HS3ST4: variants seen among roughly 807,000 people sequenced by gnomAD.
HS3ST4 encodes heparan sulfate glucosamine 3-O-sulfotransferase 4.
Under a neutral mutation model 29.2 loss-of-function variants are expected in HS3ST4, and 17 were observed. The ratio of observed to expected loss-of-function variants is 0.58; its 90% CI spans 0.40 to 0.87. HS3ST4 has a LOEUF of 0.87. Among genes scored for constraint, HS3ST4 ranks in the 40% least tolerant of loss-of-function variants. HS3ST4 has a pLI of 0.00. For synonymous variants in HS3ST4, 314 were observed against 285.7 expected (o/e 1.10, Z -1.00); for missense variants, 627 against 634.5 (o/e 0.99, Z 0.13).
intron 1 of HS3ST4, among the ~76,000 whole-genome samples, chr16:25,914,120 G>T (rs1338286894): frequency 6.7e-6 from 1 of 149,440 alleles, no homozygotes; most frequent in Non-Finnish European, 1.5e-5. Flanking sequence ...TAGGGAGAGG[G>T]TATATGTGTG....
chr16:25,837,682 C>A (rs4505328), intron 1 of HS3ST4, among the ~76,000 whole-genome samples: 20,823 of 152,010 alleles, frequency 0.14, 1,757 homozygotes, highest in Non-Finnish European at 0.19. Flanking sequence ...ATGTGTAAAT[C>A]ATATTTTAAA....
Position 26,013,985 on chromosome 16 carries a change from C to T in HS3ST4, c.735-121627C>T, listed in dbSNP as rs150039847. Among the ~76,000 whole-genome samples the T allele has an allele frequency of 5.5e-4, 75 of 136,294 alleles. 1 individual carries two copies. The South Asian group carries it at 6.4e-3, about 12-fold the overall frequency. 89.4% of individuals were successfully genotyped at this position (136,294 alleles called of 152,430 possible). A position where few individuals can be genotyped will look rare whatever the true frequency, so the allele number is the denominator to read the frequency against. Reference sequence around the variant, plus strand: ...ATCGCGCCACCGCATTCCAGGCTGGCGACAGATAGCAACTCTGTCTCAAAA... The same window carrying T: ...ATCGCGCCACCGCATTCCAGGCTGGTGACAGATAGCAACTCTGTCTCAAAA... On this transcript the variant is annotated intron_variant, in intron 1 of 1. Coordinates refer to ENST00000331351, the MANE Select transcript of HS3ST4 (RefSeq NM_006040.3).
chr16:25,932,539 A>G (rs1194036779), intron 1 of HS3ST4, among the ~76,000 whole-genome samples: 2 of 152,124 alleles, frequency 1.3e-5, no homozygotes. Flanking sequence ...TCTCATGTCA[A>G]CCTAACAACA....
Position 26,134,359 on chromosome 16 carries a change from T to TTC in HS3ST4, c.735-1252_735-1251insCT, listed in dbSNP as rs1357730901. Among the ~76,000 whole-genome samples the TTC allele has an allele frequency of 5.4e-4, 65 of 120,958 alleles. 2 individuals are homozygous for TTC. The highest frequency in any genetic ancestry group is 1.3e-3 in the Admixed American group (15 of 11,846). 79.4% of individuals were successfully genotyped at this position (120,958 alleles called of 152,430 possible). ...TTTCTTTTCTTTTCTTTTCTTTTCTTTTCTTTTTTTTTTTTTTGATTGAGA... is the reference window on the plus strand; with the variant it reads ...TTTCTTTTCTTTTCTTTTCTTTTCTTTCTTCTTTTTTTTTTTTTTGATTGAGA... On this transcript the variant is annotated intron_variant, in intron 1 of 1. Transcript: ENST00000331351.
chr16:25,704,406 G>A (rs1721192671), intron 1 of HS3ST4, among the ~76,000 whole-genome samples: 1 of 152,112 alleles, frequency 6.6e-6, no homozygotes, highest in African/African-American at 2.4e-5. Flanking sequence ...TGAGACTTTG[G>A]AAGGGCAAGT....
intron 1 of HS3ST4, among the ~76,000 whole-genome samples, chr16:26,106,062 T>C (rs1314318463): frequency 5.3e-5 from 8 of 152,220 alleles, no homozygotes; most frequent in African/African-American, 1.9e-4. Context: ...ACCTGACTTG[T>C]TCCTATGGTG....
At chr16:25,837,084 G>A (rs527591993) in intron 1 of HS3ST4, among the ~76,000 whole-genome samples, 72 of 152,336 alleles carry the variant, frequency 4.7e-4, no homozygotes, top group African/African-American at 1.7e-3. Flanking sequence ...CGCAGTTCAT[G>A]GATGATTTCC....
intron 1 of HS3ST4, among the ~76,000 whole-genome samples, chr16:26,001,404 C>A (rs1244778553): frequency 6.6e-6 from 1 of 151,996 alleles, no homozygotes; most frequent in Non-Finnish European, 1.5e-5. Context: ...ATAGGTAAAT[C>A]TAGATAAAAC....
intron 1 of HS3ST4, among the ~76,000 whole-genome samples, chr16:25,955,814 A>G (rs1169331210): frequency 2.1e-5 from 2 of 97,026 alleles, no homozygotes; most frequent in South Asian, 3.8e-4. Context: ...AATGTGATGT[A>G]TACTTTTTTT....
chr16:25,939,304 T>TTTA (rs201242715), intron 1 of HS3ST4, among the ~76,000 whole-genome samples: 168 of 114,552 alleles, frequency 1.5e-3, no homozygotes, highest in East Asian at 6.8e-3. Flanking sequence ...GCTGACAGCA[T>TTTA]TTATTATTAT....
intron 1 of HS3ST4, among the ~76,000 whole-genome samples, chr16:25,970,183 G>A (rs1329628051): frequency 1.3e-5 from 2 of 152,224 alleles, no homozygotes; most frequent in South Asian, 2.1e-4. Context: ...GGAGTCTAAA[G>A]CGATGAATTC....
At chr16:25,987,525 A>C (rs1969076366) in intron 1 of HS3ST4, among the ~76,000 whole-genome samples, 1 of 152,222 alleles carries the variant, frequency 6.6e-6, no homozygotes, top group Admixed American at 6.5e-5. Context: ...CATAATTTGA[A>C]CATGGCAGAG....
intron 1 of HS3ST4, among the ~76,000 whole-genome samples, chr16:26,018,030 G>A (rs1969376926): frequency 6.6e-6 from 1 of 152,172 alleles, no homozygotes; most frequent in East Asian, 1.9e-4. Flanking sequence ...AAAGAAATAA[G>A]CCAAGATGGC....
intron 1 of HS3ST4, among the ~76,000 whole-genome samples, chr16:25,946,172 C>T (rs559373772): frequency 2.4e-4 from 37 of 152,290 alleles, no homozygotes; most frequent in Non-Finnish European, 4.3e-4. Flanking sequence ...GAGTTTGCAA[C>T]ATCCAGATGT....
intron 1 of HS3ST4, among the ~76,000 whole-genome samples, chr16:25,831,395 C>CCA (rs555584666): frequency 0.022 from 2,186 of 101,610 alleles, 31 homozygotes; most frequent in South Asian, 0.028. Context: ...GACCCCGTCT[C>CCA]TACACACACA....
chr16:26,015,653 A>G (rs1969355675), intron 1 of HS3ST4, among the ~76,000 whole-genome samples: 1 of 152,198 alleles, frequency 6.6e-6, no homozygotes, highest in South Asian at 2.1e-4. Context: ...TGGCATAGCC[A>G]ATTCCCACCT....
chr16:26,088,006 C>T (rs1376354241), intron 1 of HS3ST4, among the ~76,000 whole-genome samples: 2 of 152,146 alleles, frequency 1.3e-5, no homozygotes, highest in African/African-American at 4.8e-5. Context: ...TGCTTAAAAG[C>T]TTGCAATGAT....
intron 1 of HS3ST4, among the ~76,000 whole-genome samples, chr16:25,746,280 G>A (rs1966684586): frequency 6.6e-6 from 1 of 152,208 alleles, no homozygotes; most frequent in South Asian, 2.1e-4. Flanking sequence ...GGATATTAAA[G>A]GTGATGGATC....
chr16:25,965,557 C>T (rs550642762), intron 1 of HS3ST4, among the ~76,000 whole-genome samples: 17 of 152,224 alleles, frequency 1.1e-4, no homozygotes, highest in South Asian at 4.1e-4. Flanking sequence ...CATGCATTTC[C>T]TTCTGTGGGT....
Sources: gnomAD v4.1 joint callset for allele counts (sites outside exome capture counted in the v4.1 genomes callset) on GRCh38, gnomAD v4.1.1 for gene constraint, MANE v1.5 for transcripts, NCBI Gene and HGNC (gene_info 2026-07-23, HGNC 2026-07-21) for gene names.